Variants in GRK5 observed in about 807,000 individuals in gnomAD.
GRK5 encodes the protein g protein-coupled receptor kinase GRK5.
In GRK5, 40 loss-of-function variants were observed where a neutral mutation model predicts 78.4. The ratio of observed to expected loss-of-function variants is 0.51; its 90% CI spans 0.40 to 0.66. The LOEUF (loss-of-function observed/expected upper bound fraction) is 0.66, where lower values mean the gene tolerates loss of function less well. Among genes scored for constraint, GRK5 ranks in the 30% least tolerant of loss-of-function variants. GRK5 has a pLI of 0.00. For synonymous variants in GRK5, 289 were observed against 296.8 expected (o/e 0.97, Z 0.27); for missense variants, 598 against 759.9 (o/e 0.79, Z 2.50).
Position 119,208,097 on chromosome 10 carries a change from A to G in GRK5, c.52+128A>G, listed in dbSNP as rs183706572. ...TGCCGGCGAGTGGGTCGCGAGCAGG[A>G]CACTTCGGAGAGCGGCTCTGCAGAC... is the stretch of plus-strand genomic sequence containing the variant. On this transcript the variant is annotated intron_variant, in intron 1 of 15. Coordinates refer to ENST00000392870, the MANE Select transcript of GRK5 (RefSeq NM_005308.3). The G allele has an allele frequency of 2.3e-4, 190 of 822,822 alleles. 1 individual carries two copies. In the East Asian group the frequency reaches 2.8e-3, roughly 12 times the overall value. The allele number at this position is 822,822 out of a possible 1,614,324, so 51.0% of individuals were successfully genotyped here. A position where few individuals can be genotyped will look rare whatever the true frequency, so the allele number is the denominator to read the frequency against.
In GRK5 at chr10:119,431,355, C is replaced by G; in HGVS notation, c.598-32C>G. The stretch of plus-strand genomic sequence containing the variant: ...GCTCGGGGCAGGCCTCCACGGTGCT[C>G]CTGCCACCCTGGTTTCTTTCTTGCA... On this transcript the variant is annotated intron_variant, in intron 7 of 15. Transcript: ENST00000392870. This position sits in a 1 kb window ranked among gnomAD's most constrained non-coding sequence, Gnocchi z 4.8. The G allele has an allele frequency of 6.2e-7, 1 of 1,600,560 alleles. No homozygotes were observed. The highest frequency in any genetic ancestry group is 1.1e-5 in the South Asian group (1 of 88,862).
At chr10:119,365,322 G>T (rs1286235830) in intron 2 of GRK5, among the ~76,000 whole-genome samples, 1 of 152,224 alleles carries the variant, frequency 6.6e-6, no homozygotes, top group African/African-American at 2.4e-5. Context: ...AATGCATGAG[G>T]CATGTTGCTT....
chr10:119,231,071 G>A (rs1488212908), intron 1 of GRK5, among the ~76,000 whole-genome samples: 2 of 152,060 alleles, frequency 1.3e-5, no homozygotes, highest in Non-Finnish European at 2.9e-5. Context: ...ACATGGCGGT[G>A]AGTGGAAGGA....
rs879113236 is a variant in GRK5 at position 119,264,601 on chromosome 10, C to T, written c.52+56632C>T. Among the ~76,000 whole-genome samples, 8 of 152,210 alleles carry T rather than the reference C, an allele frequency of 5.3e-5. No individual in the cohort carries two copies. Among genetic ancestry groups the T allele is most frequent in the Admixed American group, 1.3e-4 (2 of 15,284 alleles). ...AACATCATCAAGGCATGATTCTCAT[C>T]GGGGCTTGGGTTTTGTGTACACATC... On this transcript the variant is annotated intron_variant, in intron 1 of 15. Transcript: ENST00000392870. The surrounding 1 kb of genome is among the most constrained non-coding windows in gnomAD (Gnocchi z 4.1).
rs557294839 is a variant in GRK5, at chr10:119,405,083, G to T, written c.339+8311G>T. Among the ~76,000 whole-genome samples, 4 of 152,214 alleles carry T rather than the reference G, an allele frequency of 2.6e-5. No homozygotes were observed. The South Asian group carries it at 8.3e-4, about 32-fold the overall frequency. Reference sequence around the variant, plus strand: ...CCGCAATTACTAAGGTCTGGCAAGGGGGGTGCCAGTTTTGATGTGGCTTTG... The same window carrying T: ...CCGCAATTACTAAGGTCTGGCAAGGTGGGTGCCAGTTTTGATGTGGCTTTG... On this transcript the variant is annotated intron_variant, in intron 4 of 15. Transcript: ENST00000392870.
chr10:119,391,904 G>C (rs1025926695), intron 3 of GRK5, among the ~76,000 whole-genome samples: 2 of 152,192 alleles, frequency 1.3e-5, no homozygotes, highest in Admixed American at 1.3e-4. Context: ...AGACCTCATG[G>C]CATCTCTGAC....
intron 4 of GRK5, among the ~76,000 whole-genome samples, chr10:119,417,448 G>A (rs1327578193): frequency 6.6e-6 from 1 of 152,212 alleles, no homozygotes; most frequent in Admixed American, 6.5e-5. Flanking sequence ...AGGGGTGCTG[G>A]GGGCAAGGGA....
chr10:119,300,137 C>T (rs569249802), intron 1 of GRK5, among the ~76,000 whole-genome samples: 5 of 152,162 alleles, frequency 3.3e-5, no homozygotes, highest in African/African-American at 1.2e-4. Context: ...AAGAAAAATG[C>T]GCTGCTGAGT....
At chr10:119,300,877 G>A (rs1448038280) in intron 1 of GRK5, among the ~76,000 whole-genome samples, 2 of 152,128 alleles carry the variant, frequency 1.3e-5, no homozygotes, top group Non-Finnish European at 2.9e-5. Flanking sequence ...ATCACTTGAG[G>A]TCAGGAGTTT....
rs1346686309 is a variant in GRK5, at chr10:119,334,850, A to C, written c.148+8239A>C. 2.0e-5 allele frequency: 3 copies of C among 151,530 alleles called. No homozygotes were observed. In the East Asian group the frequency reaches 5.9e-4, roughly 30 times the overall value. The allele number at this position is 151,530 out of a possible 1,614,324, so 9.4% of individuals were successfully genotyped here. A position where few individuals can be genotyped will look rare whatever the true frequency, so the allele number is the denominator to read the frequency against. ...CATTTATGAGGAGGCTGTTCACAGAAAGTAGCTGCTGCGTCTGGCGTGCCA... is the reference window on the plus strand; with the variant it reads ...CATTTATGAGGAGGCTGTTCACAGACAGTAGCTGCTGCGTCTGGCGTGCCA... On this transcript the variant is annotated intron_variant, in intron 2 of 15. Coordinates refer to ENST00000392870, the MANE Select transcript of GRK5 (RefSeq NM_005308.3).
At chr10:119,344,272 T>C (rs993684616) in intron 2 of GRK5, among the ~76,000 whole-genome samples, 2 of 152,140 alleles carry the variant, frequency 1.3e-5, no homozygotes, top group African/African-American at 4.8e-5. Flanking sequence ...GTTGGTGTGC[T>C]GCACCCATTA....
chr10:119,224,989 G>GT (rs58915784), intron 1 of GRK5, among the ~76,000 whole-genome samples: 83,813 of 151,954 alleles, frequency 0.55, 26,008 homozygotes, highest in East Asian at 0.78. Context: ...TAATTCAACT[G>GT]TGGGTACTTC....
At chr10:119,307,640 T>C (rs1412014163) in intron 1 of GRK5, among the ~76,000 whole-genome samples, 1 of 152,132 alleles carries the variant, frequency 6.6e-6, no homozygotes, top group Admixed American at 6.5e-5. Flanking sequence ...GTGAATCTGA[T>C]TCCAGACTTC....
intron 3 of GRK5, among the ~76,000 whole-genome samples, chr10:119,394,429 C>CTGTGTGTCT (rs1851981316): frequency 9.1e-5 from 1 of 10,996 alleles, no homozygotes. Context: ...TGTGTGGGTA[C>CTGTGTGTCT]GTGTATGGGT....
chr10:119,311,864 G>C (rs535931643), intron 1 of GRK5, among the ~76,000 whole-genome samples: 1 of 151,890 alleles, frequency 6.6e-6, no homozygotes, highest in African/African-American at 2.4e-5. Flanking sequence ...ATTAAACGGA[G>C]GTGGTGGAAG....
intron 2 of GRK5, among the ~76,000 whole-genome samples, chr10:119,347,389 G>A (rs893918970): frequency 6.6e-6 from 1 of 151,742 alleles, no homozygotes; most frequent in Non-Finnish European, 1.5e-5. Context: ...GTGTGTTTGC[G>A]AGTGTGCATG....
At chr10:119,363,572 G>T (rs540924985) in intron 2 of GRK5, among the ~76,000 whole-genome samples, 1 of 152,322 alleles carries the variant, frequency 6.6e-6, no homozygotes, top group African/African-American at 2.4e-5. Context: ...TACTAGGGCT[G>T]CTATGGAAAC....
intron 4 of GRK5, among the ~76,000 whole-genome samples, chr10:119,398,951 T>C (rs1589788054): frequency 6.6e-6 from 1 of 152,172 alleles, no homozygotes; most frequent in South Asian, 2.1e-4. Context: ...AAGAACAGGG[T>C]ACAGGCAGGC....
chr10:119,297,136 G>A (rs962352884), intron 1 of GRK5, among the ~76,000 whole-genome samples: 5 of 152,326 alleles, frequency 3.3e-5, no homozygotes, highest in Middle Eastern at 3.4e-3. Context: ...GGAAGGAGTC[G>A]GGAGTTGTAT....
Sources: gnomAD v4.1 joint callset for allele counts (sites outside exome capture counted in the v4.1 genomes callset) on GRCh38, gnomAD v4.1.1 for gene constraint, Gnocchi (gnomAD v3.1) non-coding constraint, MANE v1.5 for transcripts, NCBI Gene and HGNC (gene_info 2026-07-23, HGNC 2026-07-21) for gene names.